Variants in OLFM2 observed in about 807,000 individuals in gnomAD.
OLFM2 encodes olfactomedin 2.
In OLFM2, 20 loss-of-function variants were observed where a neutral mutation model predicts 43.9. That is an observed-to-expected ratio of 0.46 (90% confidence interval 0.32 to 0.66). The LOEUF is 0.66. OLFM2 is among the 30% of genes least tolerant of loss of function. OLFM2 has a pLI of 0.04. For missense variants in OLFM2, 416 were observed against 643.6 expected (o/e 0.65, Z 3.83); for synonymous variants, 268 against 278.6 (o/e 0.96, Z 0.38).
chr19:9,886,130 G>A (rs572411090), intron 1 of OLFM2, among the ~76,000 whole-genome samples: 76 of 151,582 alleles, frequency 5.0e-4, no homozygotes, highest in Admixed American at 3.4e-3. Context: ...GGAAACTTAC[G>A]TCTCTAGTTC....
chr19:9,920,286 G>C (rs1235447580), intron 1 of OLFM2, among the ~76,000 whole-genome samples: 1 of 151,780 alleles, frequency 6.6e-6, no homozygotes, highest in Non-Finnish European at 1.5e-5. Flanking sequence ...CTGTACAAAA[G>C]GGGGAGGCAT....
At chr19:9,925,223 C>T (rs2086445725) in intron 1 of OLFM2, among the ~76,000 whole-genome samples, 1 of 152,112 alleles carries the variant, frequency 6.6e-6, no homozygotes. Flanking sequence ...CACCACCGCA[C>T]TCTAGCCTGG....
At chr19:9,865,911 T>C (rs536758675) in intron 1 of OLFM2, among the ~76,000 whole-genome samples, 3 of 151,648 alleles carry the variant, frequency 2.0e-5, no homozygotes, top group East Asian at 1.9e-4. Context: ...GCAATTTGGA[T>C]AGAAACCCCC....
rs1171721345 is a variant in OLFM2, at chr19:9,860,668, C to T, written c.190G>A (p.Glu64Lys). 8.8e-6 allele frequency: 14 copies of T among 1,593,310 alleles called. No individual in the cohort carries two copies. Among genetic ancestry groups the T allele is most frequent in the Non-Finnish European group, 1.2e-5 (14 of 1,169,428 alleles). Residue 64 changes from glutamate to lysine, a missense_variant, in exon 2 of 6, where the codon GAG (glutamate) becomes AAG (lysine). Coordinates refer to ENST00000264833, the MANE Select transcript of OLFM2 (RefSeq NM_058164.4). ...ACCTTCTCCATCAGTTGCCGCAGCT[C>T]CCGACTCCTGCCATCTCGAGAGCAG... Reference protein sequence around the residue: ...STCSRDGRSRELRQLMEKVQN... With the variant: ...STCSRDGRSRKLRQLMEKVQN...
At chr19:9,913,613 G>A (rs2046847295) in intron 1 of OLFM2, 1 of 1,302,390 alleles carries the variant, frequency 7.7e-7, no homozygotes, top group Non-Finnish European at 9.9e-7. Context: ...CAGCGGCACC[G>A]ACATCGCGCC....
At chr19:9,925,978 A>G (rs2145007487) in intron 1 of OLFM2, among the ~76,000 whole-genome samples, 1 of 151,246 alleles carries the variant, frequency 6.6e-6, no homozygotes, top group Middle Eastern at 3.4e-3. Flanking sequence ...CTACAGAAAA[A>G]ATTTAAGAAT....
intron 1 of OLFM2, among the ~76,000 whole-genome samples, chr19:9,909,738 G>A (rs12151258): frequency 0.18 from 27,712 of 152,058 alleles, 3,077 homozygotes; most frequent in African/African-American, 0.32. Context: ...AACACCTACT[G>A]TGTGCCTGGT....
intron 1 of OLFM2, among the ~76,000 whole-genome samples, chr19:9,877,668 G>T (rs1019090725): frequency 1.3e-5 from 2 of 152,066 alleles, no homozygotes; most frequent in Admixed American, 1.3e-4. Context: ...CAGGGAAGTG[G>T]GTTAGTTATC....
At position 9,913,201 on chromosome 19, in the gene OLFM2, G is replaced by A. The variant is rs181752431; in HGVS notation, c.63+23103C>T. Among the ~76,000 whole-genome samples, 3 of 152,156 alleles carry A rather than the reference G, an allele frequency of 2.0e-5. No individual in the cohort carries two copies. The East Asian group carries it at 5.8e-4, about 30-fold the overall frequency. On this transcript the variant is annotated intron_variant, in intron 1 of 5. Transcript: ENST00000264833. ...CCGGAGCGAGCCTGGTACGCTATTCGCGCTCAGACATTGCTCACTAATAAT... is the reference window on the plus strand; with the variant it reads ...CCGGAGCGAGCCTGGTACGCTATTCACGCTCAGACATTGCTCACTAATAAT...
At chr19:9,873,464 G>GT (rs983960195) in intron 1 of OLFM2, among the ~76,000 whole-genome samples, 1 of 151,898 alleles carries the variant, frequency 6.6e-6, no homozygotes, top group Non-Finnish European at 1.5e-5. Flanking sequence ...AACATTTTTG[G>GT]TTTTTTAAGA....
rs1568365927 is a variant in OLFM2, at chr19:9,856,928, CA to C, written c.581-16del. On this transcript the variant is annotated splice_polypyrimidine_tract_variant and intron_variant, in intron 4 of 5. Transcript: ENST00000264833. This position sits in a 1 kb window ranked among gnomAD's most constrained non-coding sequence, Gnocchi z 4.0. ...CTTCCCACAGCCTGGGAGGCAGGAA[CA>C]GGGGGAATGAGGATGGGGAAATGAA... The C allele has an allele frequency of 1.9e-6, 3 of 1,585,336 alleles. No individual in the cohort carries two copies. The highest frequency in any genetic ancestry group is 2.3e-5 in the East Asian group (1 of 44,122).
intron 1 of OLFM2, among the ~76,000 whole-genome samples, chr19:9,898,074 T>G (rs1475617451): frequency 6.7e-6 from 1 of 148,782 alleles, no homozygotes; most frequent in Non-Finnish European, 1.5e-5. Flanking sequence ...CCAGCTAATT[T>G]TTTTTTTTTT....
intron 2 of OLFM2, chr19:9,858,073 G>C: frequency 7.8e-6 from 5 of 638,778 alleles, no homozygotes; most frequent in African/African-American, 1.8e-5. Flanking sequence ...GCTCCCATCT[G>C]GTCCACCTAC....
intron 1 of OLFM2, among the ~76,000 whole-genome samples, chr19:9,908,360 G>A (rs747694246): frequency 2.0e-5 from 3 of 151,130 alleles, no homozygotes; most frequent in Admixed American, 6.6e-5. Context: ...AGGCTGGAGT[G>A]CAATGGCGCG....
At chr19:9,911,307 GT>G (rs1056542855) in intron 1 of OLFM2, among the ~76,000 whole-genome samples, 21 of 152,116 alleles carry the variant, frequency 1.4e-4, no homozygotes, top group African/African-American at 5.1e-4. Flanking sequence ...CTCACCCTGA[GT>G]ACCTTAACAT....
At chr19:9,915,392 T>C (rs1305520511) in intron 1 of OLFM2, among the ~76,000 whole-genome samples, 1 of 151,716 alleles carries the variant, frequency 6.6e-6, no homozygotes, top group Admixed American at 6.6e-5. Context: ...ATGAATATTC[T>C]ATGGGGTGAG....
chr19:9,873,238 C>T (rs1568371489), intron 1 of OLFM2, among the ~76,000 whole-genome samples: 3 of 152,250 alleles, frequency 2.0e-5, no homozygotes, highest in Admixed American at 6.5e-5. Flanking sequence ...ACTGCAACCT[C>T]CACCTCCCAG....
intron 1 of OLFM2, among the ~76,000 whole-genome samples, chr19:9,931,714 TAAAAAAAAAA>T (rs778511487): frequency 7.5e-6 from 1 of 134,066 alleles, no homozygotes; most frequent in Non-Finnish European, 1.6e-5. Context: ...ATCTCAAAAA[TAAAAAAAAAA>T]AAAGAAATAA....
At chr19:9,921,662 T>G (rs2086421025) in intron 1 of OLFM2, among the ~76,000 whole-genome samples, 1 of 151,954 alleles carries the variant, frequency 6.6e-6, no homozygotes. Flanking sequence ...CTATTTTGTA[T>G]TTTTAGTAGA....
Sources: allele counts gnomAD v4.1 joint callset (sites outside exome capture counted in the v4.1 genomes callset), GRCh38; gene constraint gnomAD v4.1.1; non-coding constraint Gnocchi (gnomAD v3.1); transcripts MANE v1.5; gene names NCBI Gene and HGNC (gene_info 2026-07-23, HGNC 2026-07-21).